The following DGKB variants were observed in gnomAD, a reference collection of about 807,000 sequenced individuals.
DGKB encodes the protein 90 kDa diacylglycerol kinase.
A neutral mutation model predicts 114.3 loss-of-function variants in DGKB; 67 were observed. The ratio of observed to expected loss-of-function variants is 0.59; its 90% confidence interval spans 0.48 to 0.72. DGKB has a LOEUF of 0.72. Among genes scored for constraint, DGKB ranks in the 30% least tolerant of loss-of-function variants. The pLI, the probability that DGKB is intolerant of heterozygous loss-of-function variation, is 0.00. For synonymous variants in DGKB, 398 were observed against 323.1 expected (o/e 1.23, Z -2.49); for missense variants, 907 against 975.2 (o/e 0.93, Z 0.93).
At chr7:14,454,200 C>G (rs980387903) in intron 21 of DGKB, among the ~76,000 whole-genome samples, 7 of 152,132 alleles carry the variant, frequency 4.6e-5, no homozygotes, top group African/African-American at 1.7e-4. Context: ...TTATTGTTAA[C>G]TATACTTTTC....
intron 23 of DGKB, among the ~76,000 whole-genome samples, chr7:14,260,660 G>A (rs117309472): frequency 2.4e-4 from 37 of 152,102 alleles, no homozygotes; most frequent in Admixed American, 3.9e-4. Flanking sequence ...TTAGGGGTGA[G>A]ACCTCAGCTT....
intron 20 of DGKB, among the ~76,000 whole-genome samples, chr7:14,517,835 A>C (rs942951416): frequency 1.3e-5 from 2 of 152,182 alleles, no homozygotes; most frequent in African/African-American, 4.8e-5. Context: ...GGTTGTGGAG[A>C]AAAGGGAACA....
At chr7:14,162,776 T>C (rs1784091939) in intron 25 of DGKB, among the ~76,000 whole-genome samples, 1 of 152,202 alleles carries the variant, frequency 6.6e-6, no homozygotes, top group African/African-American at 2.4e-5. Context: ...GGAAAACATT[T>C]AAAATATGCT....
chr7:14,682,450 C>T (rs117382294), intron 12 of DGKB, 103 bp downstream of exon 12: 2 of 756,318 alleles, frequency 2.6e-6, no homozygotes, highest in South Asian at 3.3e-5. Flanking sequence ...TATGCTTACA[C>T]TCAGTTTCAG....
At chr7:14,226,146 G>T (rs1007079156) in intron 23 of DGKB, among the ~76,000 whole-genome samples, 2 of 151,148 alleles carry the variant, frequency 1.3e-5, no homozygotes, top group African/African-American at 4.8e-5. Flanking sequence ...TAATAGAAAT[G>T]AAATAAGTAA....
intron 1 of DGKB, among the ~76,000 whole-genome samples, chr7:14,916,754 G>A (rs191300480): frequency 1.2e-3 from 175 of 152,080 alleles, no homozygotes; most frequent in African/African-American, 4.0e-3. Flanking sequence ...AATCTGTAAG[G>A]ATACAATTGA....
chr7:14,967,922 C>T (rs368485658), intron 1 of DGKB, among the ~76,000 whole-genome samples: 6 of 151,922 alleles, frequency 3.9e-5, no homozygotes, highest in Non-Finnish European at 8.8e-5. Context: ...AAAGTTAGTG[C>T]AAAGCAATAA....
intron 20 of DGKB, among the ~76,000 whole-genome samples, chr7:14,488,823 C>T (rs1188324424): frequency 7.2e-6 from 1 of 137,992 alleles, no homozygotes; most frequent in African/African-American, 2.8e-5. Flanking sequence ...CAGAGCAAGA[C>T]TCCGTCTCCA....
intron 6 of DGKB, among the ~76,000 whole-genome samples, chr7:14,703,016 T>C (rs1046356208): frequency 2.0e-5 from 3 of 150,954 alleles, no homozygotes; most frequent in Non-Finnish European, 1.5e-5. Context: ...CTTAAATATC[T>C]GTATTGTAAA....
In DGKB at chr7:14,753,961, G is replaced by GGAAA; in HGVS notation, c.148-17_148-14dup. 1 of 1,505,740 alleles carries GGAAA rather than the reference G, an allele frequency of 6.6e-7. No homozygotes were observed. The highest frequency in any genetic ancestry group is 9.1e-7 in the Non-Finnish European group (1 of 1,098,638). 93.3% of individuals were successfully genotyped at this position (1,505,740 alleles called of 1,614,324 possible). A position where few individuals can be genotyped will look rare whatever the true frequency, so the allele number is the denominator to read the frequency against. On this transcript the variant is annotated splice_polypyrimidine_tract_variant and intron_variant, in intron 3 of 25. Transcript: ENST00000402815. ...GAATGTCTTGTTTCTGTGCATGCAA[G>GGAAA]GAAAGAAAGAATACATGTGTTAATG...
intron 1 of DGKB, among the ~76,000 whole-genome samples, chr7:14,879,956 C>G (rs1384006116): frequency 1.3e-5 from 2 of 152,152 alleles, no homozygotes; most frequent in African/African-American, 4.8e-5. Flanking sequence ...TATTACTTAG[C>G]ATTTCTCAGC....
chr7:14,910,339 A>G (rs1037324917), intron 1 of DGKB, among the ~76,000 whole-genome samples: 12 of 151,698 alleles, frequency 7.9e-5, no homozygotes, highest in African/African-American at 2.9e-4. Context: ...GGAGAAGGCA[A>G]AAAACAAAAC....
At chr7:14,533,030 C>G (rs748459452) in intron 20 of DGKB, among the ~76,000 whole-genome samples, 1 of 151,750 alleles carries the variant, frequency 6.6e-6, no homozygotes, top group Non-Finnish European at 1.5e-5. Flanking sequence ...ATAACCAACT[C>G]TAACGAAATG....
chr7:14,871,859 A>G (rs554884109), intron 1 of DGKB, among the ~76,000 whole-genome samples: 13 of 152,248 alleles, frequency 8.5e-5, no homozygotes, highest in African/African-American at 3.1e-4. Context: ...ATTAAAATGA[A>G]TTTTCAATTT....
At chr7:14,906,660 T>A (rs1378241996), upstream of DGKB, among the ~76,000 whole-genome samples, 2 of 151,784 alleles carry the variant, frequency 1.3e-5, no homozygotes, top group African/African-American at 4.8e-5. Flanking sequence ...ACCATGTTGG[T>A]CAGGCTGGTC....
intron 21 of DGKB, among the ~76,000 whole-genome samples, chr7:14,371,225 T>C (rs1313844500): frequency 1.3e-5 from 2 of 152,122 alleles, no homozygotes; most frequent in Non-Finnish European, 2.9e-5. Flanking sequence ...CTGTTTTAAG[T>C]TCTTTGAGAA....
intron 20 of DGKB, among the ~76,000 whole-genome samples, chr7:14,558,180 A>C (rs1796140531): frequency 6.6e-6 from 1 of 150,436 alleles, no homozygotes; most frequent in Non-Finnish European, 1.5e-5. Flanking sequence ...ATATATATAC[A>C]TATGTATACC....
In DGKB at chr7:14,740,289, G is replaced by C. The variant is rs1189616326; in HGVS notation, c.169-4095C>G. On this transcript the variant is annotated intron_variant, in intron 4 of 25. Transcript: ENST00000402815. ...TCAGGAGTTGATGGATTGGTGTGAA[G>C]GTAGTTACAGTTTTTGCTATTACCT... Among the ~76,000 whole-genome samples, 5 of 150,742 alleles carry C rather than the reference G, an allele frequency of 3.3e-5. No homozygotes were observed. In the East Asian group the frequency reaches 9.8e-4, roughly 30 times the overall value.
upstream of DGKB, chr7:14,903,288 C>T (rs1562860998): frequency 1.3e-5 from 2 of 151,818 alleles, no homozygotes; most frequent in Non-Finnish European, 1.4e-5. Context: ...CTGCAAGCAC[C>T]AGCCCTGCCT....
Sources: gnomAD v4.1 joint callset for allele counts (sites outside exome capture counted in the v4.1 genomes callset) on GRCh38, gnomAD v4.1.1 for gene constraint, MANE v1.5 for transcripts, NCBI Gene and HGNC (gene_info 2026-07-23, HGNC 2026-07-21) for gene names.